EED: variants seen among roughly 807,000 people sequenced by gnomAD.
EED encodes embryonic ectoderm development, also known as polycomb protein EED.
Under a neutral mutation model 61.0 loss-of-function variants are expected in EED, and 9 were observed. The ratio of observed to expected loss-of-function variants is 0.15; its 90% CI spans 0.09 to 0.26. The LOEUF (loss-of-function observed/expected upper bound fraction) is 0.26. Ranked by LOEUF, EED falls within the 10% of genes least tolerant of loss-of-function variation. The pLI is 1.00. For missense variants in EED, 315 were observed against 542.3 expected (o/e 0.58, Z 4.16); for synonymous variants, 187 against 174.4 (o/e 1.07, Z -0.57).
At chr11:86,265,366 C>G (rs1036318060) in intron 7 of EED, 1 of 152,132 alleles carries the variant, frequency 6.6e-6, no homozygotes, top group African/African-American at 2.4e-5. Context: ...GTATGTAGCT[C>G]TTCTGTGTAA....
chr11:86,245,223 G>A lies in EED; in HGVS notation c.-7G>A, dbSNP rs778900242. The A allele has an allele frequency of 2.2e-5, 36 of 1,611,118 alleles. 1 individual carries two copies. The South Asian group carries it at 2.3e-4, about 10-fold the overall frequency. ...GGCGGCAGGAACCTGGAGGGAGGCGGAGGAATATGTCCGAGAGGGAAGTGT... is the reference window on the plus strand; with the variant it reads ...GGCGGCAGGAACCTGGAGGGAGGCGAAGGAATATGTCCGAGAGGGAAGTGT... On this transcript the variant is annotated 5_prime_UTR_variant, in exon 1 of 12. Transcript: ENST00000263360.
At chr11:86,246,542 A>G (rs1035393450) in intron 1 of EED, among the ~76,000 whole-genome samples, 1 of 152,196 alleles carries the variant, frequency 6.6e-6, no homozygotes, top group Non-Finnish European at 1.5e-5. Flanking sequence ...CAGAGACAAG[A>G]TAGATATTCT....
intron 6 of EED, among the ~76,000 whole-genome samples, chr11:86,261,476 C>T (rs1000345066): frequency 2.0e-5 from 3 of 152,208 alleles, no homozygotes; most frequent in African/African-American, 7.2e-5. Flanking sequence ...GCCTGCAGCT[C>T]TTGCAGGCTG....
At chr11:86,261,658 C>T (rs926479890) in intron 6 of EED, among the ~76,000 whole-genome samples, 1 of 152,228 alleles carries the variant, frequency 6.6e-6, no homozygotes, top group Non-Finnish European at 1.5e-5. Flanking sequence ...GAGAGGAAGC[C>T]GTGCCTCCAC....
downstream of EED, among the ~76,000 whole-genome samples, chr11:86,281,718 T>C (rs1378423963): frequency 6.6e-6 from 1 of 152,202 alleles, no homozygotes; most frequent in Non-Finnish European, 1.5e-5. Context: ...GCAGGTGCAG[T>C]TATAGCTGTC....
chr11:86,256,865 C>T (rs1161474488), intron 5 of EED, among the ~76,000 whole-genome samples: 1 of 152,124 alleles, frequency 6.6e-6, no homozygotes, highest in Non-Finnish European at 1.5e-5. Flanking sequence ...TTGTAACGAA[C>T]ATAAAGGTGA....
At chr11:86,260,600 T>C (rs913098707) in intron 6 of EED, among the ~76,000 whole-genome samples, 1 of 152,178 alleles carries the variant, frequency 6.6e-6, no homozygotes, top group Non-Finnish European at 1.5e-5. Context: ...TGTCATTCTA[T>C]AAAATTGTGC....
chr11:86,254,745 C>T (rs1215778376), intron 3 of EED, among the ~76,000 whole-genome samples: 1 of 151,762 alleles, frequency 6.6e-6, no homozygotes. Flanking sequence ...GCCTCAGCCT[C>T]CTGAGTAGCT....
chr11:86,284,179 G>A, the EED span: 1 of 152,218 alleles, frequency 6.6e-6, no homozygotes, highest in East Asian at 1.9e-4. Context: ...GGTGAGACAA[G>A]GCGCTCATCA....
intron 1 of EED, among the ~76,000 whole-genome samples, chr11:86,246,300 T>G (rs1945390408): frequency 6.6e-6 from 1 of 152,268 alleles, no homozygotes; most frequent in South Asian, 2.1e-4. Flanking sequence ...TACTCCAAAA[T>G]GTGATTCTCC....
At chr11:86,267,766 ATTTTTTTTTT>A (rs36185703) in intron 8 of EED, 1 of 108,750 alleles carries the variant, frequency 9.2e-6, no homozygotes, top group African/African-American at 3.6e-5. Flanking sequence ...TGCCTGGCTA[ATTTTTTTTTT>A]TTTTTTTTTT....
At chr11:86,280,659 T>C (rs1042078176), downstream of EED, among the ~76,000 whole-genome samples, 5 of 152,122 alleles carry the variant, frequency 3.3e-5, no homozygotes, top group African/African-American at 1.2e-4. Flanking sequence ...CCATTGTGTA[T>C]ATTTATAGGG....
At chr11:86,283,747 T>A (rs1376630551), downstream of EED, among the ~76,000 whole-genome samples, 1 of 151,502 alleles carries the variant, frequency 6.6e-6, no homozygotes, top group African/African-American at 2.4e-5. Flanking sequence ...TCTGTAGAAA[T>A]TACCAGAATG....
intron 3 of EED, among the ~76,000 whole-genome samples, chr11:86,253,614 A>G (rs909783580): frequency 9.9e-5 from 15 of 152,240 alleles, no homozygotes; most frequent in Admixed American, 7.9e-4. Context: ...GTTAGCAGCC[A>G]TATAAAGAAT....
chr11:86,254,584 G>A (rs1166252061), intron 3 of EED, among the ~76,000 whole-genome samples: 1 of 151,608 alleles, frequency 6.6e-6, no homozygotes, highest in East Asian at 1.9e-4. Flanking sequence ...CTCCCAAAGT[G>A]CTGGGATTAA....
Position 86,244,991 on chromosome 11 carries a change from A to C in EED, c.-239A>C. The stretch of plus-strand genomic sequence containing the variant: ...AAAAGGGCAAGACGGGAGTTGGGGA[A>C]GGGAAGGAGCCAGGAAGCCGCGCGG... On this transcript the variant is annotated 5_prime_UTR_variant, in exon 1 of 12. Transcript: ENST00000263360. 7.7e-5 allele frequency: 31 copies of C among 401,434 alleles called. No individual in the cohort carries two copies. The highest frequency in any genetic ancestry group is 2.8e-4 in the East Asian group (6 of 21,438). 24.9% of individuals were successfully genotyped at this position (401,434 alleles called of 1,614,324 possible).
chr11:86,266,095 T>C lies in EED; in HGVS notation c.739T>C (p.Leu247=). The C allele has an allele frequency of 6.3e-7, 1 of 1,595,288 alleles. No individual in the cohort carries two copies. The highest frequency in any genetic ancestry group is 1.2e-5 in the South Asian group (1 of 86,678). The change falls in exon 8 of 12, where the codon TTG becomes CTG. Residue 247 remains leucine, a synonymous_variant. Coordinates refer to ENST00000263360, the MANE Select transcript of EED (RefSeq NM_003797.5). ...DEVLSADYDL[L]GEKIMSCGMD... ...GTTTTGCATACAGGATTATGATCTT[T>C]TGGGTGAAAAAATAATGTCCTGTGG... is the stretch of plus-strand genomic sequence containing the variant.
intron 11 of EED, 199 bp from the exon 12 acceptor site, chr11:86,278,200 A>G: frequency 7.5e-7 from 1 of 1,325,506 alleles, no homozygotes; most frequent in Non-Finnish European, 9.6e-7. Context: ...TTTTTATACA[A>G]ATTATGTAGT....
intron 9 of EED, among the ~76,000 whole-genome samples, chr11:86,273,410 GT>G (rs1315019494): frequency 6.6e-6 from 1 of 152,124 alleles, no homozygotes; most frequent in Non-Finnish European, 1.5e-5. Context: ...AACCATATCA[GT>G]TTTTTTGTTC....
Sources: gnomAD v4.1 joint callset for allele counts (sites outside exome capture counted in the v4.1 genomes callset) on GRCh38, gnomAD v4.1.1 for gene constraint, MANE v1.5 for transcripts, NCBI Gene and HGNC (gene_info 2026-07-23, HGNC 2026-07-21) for gene names.